The following SATB1 variants were observed in gnomAD, a reference collection of about 807,000 sequenced individuals.
SATB1 encodes the protein SATB homeobox 1, also known as DNA-binding protein SATB1.
Under a neutral mutation model 86.9 loss-of-function variants are expected in SATB1, and 11 were observed. That is an observed-to-expected ratio of 0.13 (90% CI 0.08 to 0.21). The LOEUF (loss-of-function observed/expected upper bound fraction) is 0.21, where lower values mean the gene tolerates loss of function less well. Ranked by LOEUF, SATB1 falls within the 10% of genes least tolerant of loss-of-function variation. SATB1 has a pLI of 1.00. For missense variants in SATB1, 551 were observed against 937.6 expected (o/e 0.59, Z 5.39); for synonymous variants, 357 against 357.2 (o/e 1.00, Z 0.01).
chr3:18,425,734 AG>A (rs1483531115), upstream of SATB1, among the ~76,000 whole-genome samples: 3 of 147,926 alleles, frequency 2.0e-5, no homozygotes, highest in East Asian at 6.1e-4. Flanking sequence ...GGAGGAGGAG[AG>A]GGGGCTTCCC....
intron 1 of SATB1, among the ~76,000 whole-genome samples, chr3:18,422,484 G>A (rs896723919): frequency 1.3e-4 from 20 of 152,108 alleles, no homozygotes; most frequent in African/African-American, 4.3e-4. Flanking sequence ...AGAACTAAAG[G>A]TTTACCGTTG....
At chr3:18,402,972 C>A (rs576621558) in intron 5 of SATB1, among the ~76,000 whole-genome samples, 2 of 152,098 alleles carry the variant, frequency 1.3e-5, no homozygotes, top group African/African-American at 2.4e-5. Flanking sequence ...TTTCTGTAAA[C>A]ACCCAAGATG....
chr3:18,392,564 T>TAC (rs1211820624), intron 7 of SATB1, among the ~76,000 whole-genome samples: 206 of 112,454 alleles, frequency 1.8e-3, no homozygotes, highest in African/African-American at 5.1e-3. Context: ...TACATATATA[T>TAC]ACACACACAT....
At chr3:18,391,494 C>A (rs1237445084) in intron 7 of SATB1, among the ~76,000 whole-genome samples, 1 of 150,648 alleles carries the variant, frequency 6.6e-6, no homozygotes, top group African/African-American at 2.4e-5. Context: ...CGTCATCTAG[C>A]ATTAGGTATA....
intron 8 of SATB1, among the ~76,000 whole-genome samples, chr3:18,384,619 G>A (rs1003313291): frequency 6.6e-6 from 1 of 152,112 alleles, no homozygotes; most frequent in Non-Finnish European, 1.5e-5. Flanking sequence ...ATAAAAGTGT[G>A]TGTATTAACA....
At position 18,346,091 on chromosome 3, in the gene SATB1, T is replaced by A. The variant is rs1441018018; in HGVS notation, c.*3079A>T. ...TTTTATACATAATATGTACAGACTT[T>A]GTTACCAAGCGCCACACAACTAGGA... On this transcript the variant is annotated 3_prime_UTR_variant, in exon 11 of 11. Transcript: ENST00000338745. 1 of 152,156 alleles carries A rather than the reference T, an allele frequency of 6.6e-6. No homozygotes were observed. Among genetic ancestry groups the A allele is most frequent in the Admixed American group, 6.5e-5 (1 of 15,270 alleles). The allele number at this position is 152,156 out of a possible 1,614,324, so 9.4% of individuals were successfully genotyped here.
intron 4 of SATB1, among the ~76,000 whole-genome samples, chr3:18,415,547 T>G (rs1237949140): frequency 6.6e-6 from 1 of 151,232 alleles, no homozygotes; most frequent in Admixed American, 6.6e-5. Flanking sequence ...CTTTAATGTA[T>G]TAACCGATTT....
At chr3:18,409,775 T>G (rs1177814658) in intron 5 of SATB1, 1 of 152,006 alleles carries the variant, frequency 6.6e-6, no homozygotes, top group African/African-American at 2.4e-5. Context: ...TAAGATAATT[T>G]TATACTGGGA....
intron 5 of SATB1, among the ~76,000 whole-genome samples, chr3:18,401,783 A>G (rs983109267): frequency 7.2e-5 from 11 of 152,112 alleles, no homozygotes; most frequent in African/African-American, 2.7e-4. Flanking sequence ...AAGCTTTTCT[A>G]AGATCCATAA....
At chr3:18,382,795 A>G (rs1255299587) in intron 8 of SATB1, among the ~76,000 whole-genome samples, 1 of 152,216 alleles carries the variant, frequency 6.6e-6, no homozygotes, top group African/African-American at 2.4e-5. Context: ...CCCATCCTCT[A>G]TGACAAACAA....
In SATB1 at chr3:18,347,485, A is replaced by G. The variant is rs1305992136; in HGVS notation, c.*1685T>C. ...CAGTTATTAACTTATTCCACTTATA[A>G]CTTGTGAAAAAAAAAAGCTAAGGGG... On this transcript the variant is annotated 3_prime_UTR_variant, in exon 11 of 11. Coordinates refer to ENST00000338745, the MANE Select transcript of SATB1 (RefSeq NM_002971.6). The G allele has an allele frequency of 6.7e-6, 1 of 150,358 alleles. No homozygotes were observed. Among genetic ancestry groups the G allele is most frequent in the Non-Finnish European group, 1.5e-5 (1 of 67,900 alleles). 9.3% of individuals were successfully genotyped at this position (150,358 alleles called of 1,614,324 possible). A position where few individuals can be genotyped will look rare whatever the true frequency, so the allele number is the denominator to read the frequency against.
intron 9 of SATB1, chr3:18,353,085 C>T (rs1391620418): frequency 6.6e-6 from 1 of 152,250 alleles, no homozygotes; most frequent in East Asian, 1.9e-4. Flanking sequence ...TCCAGACCCC[C>T]ACCAGCCAAG....
rs765527387 is a variant in SATB1, at chr3:18,349,208, C to T, written c.2254G>A (p.Glu752Lys). The T allele has an allele frequency of 6.2e-7, 1 of 1,614,086 alleles. No individual in the cohort carries two copies. The highest frequency in any genetic ancestry group is 1.1e-5 in the South Asian group (1 of 91,080). ...TCAGTATTAATGTCTGTGTTTCCTT[C>T]CACTGACAGCTCTTCTTCTAGTTTC... ...SVKLEEELSV[E>K]GNTDINTDLK... is the part of the protein sequence containing the mutation. The change falls in exon 11 of 11, where the codon GAA (glutamate) becomes AAA (lysine). Residue 752 changes from glutamate (E) to lysine (K), a missense_variant. By Grantham distance (56) the Glu-to-Lys change is moderately conservative (BLOSUM62 1). Around this residue, in one of 8 missense-constraint regions of SATB1, gnomAD observed 41 missense variants for 38.9 expected, o/e 1.06. Coordinates refer to ENST00000338745, the MANE Select transcript of SATB1 (RefSeq NM_002971.6). This position sits in a 1 kb window ranked among gnomAD's most constrained non-coding sequence, Gnocchi z 5.5.
intron 9 of SATB1, among the ~76,000 whole-genome samples, chr3:18,375,182 G>A (rs1442273057): frequency 1.3e-5 from 2 of 152,126 alleles, no homozygotes; most frequent in African/African-American, 4.8e-5. Flanking sequence ...TCAGATCAGG[G>A]TAGTACTTCA....
intron 2 of SATB1, among the ~76,000 whole-genome samples, chr3:18,431,391 A>G (rs1306972257): frequency 6.6e-6 from 1 of 152,106 alleles, no homozygotes; most frequent in East Asian, 1.9e-4. Flanking sequence ...ATCTATCTAT[A>G]TGTCTGCCTC....
chr3:18,351,555 C>T, intron 10 of SATB1: 1 of 625,224 alleles, frequency 1.6e-6, no homozygotes, highest in African/African-American at 1.8e-5. Context: ...TCTTTCTGGA[C>T]AGAATCCAAT....
Position 18,352,241 on chromosome 3 carries a change from G to T in SATB1, c.1576-46C>A. On this transcript the variant is annotated intron_variant, in intron 9 of 10. Coordinates refer to ENST00000338745, the MANE Select transcript of SATB1 (RefSeq NM_002971.6). The surrounding 1 kb of genome is among the most constrained non-coding windows in gnomAD (Gnocchi z 4.1). Reference sequence around the variant, plus strand: ...AGGTCAGTTTGTGCCTATGAGAGGGGCTGGCATTTTCCATTAGGAGCTAAA... The same window carrying T: ...AGGTCAGTTTGTGCCTATGAGAGGGTCTGGCATTTTCCATTAGGAGCTAAA... 6.4e-7 allele frequency: 1 copy of T among 1,564,312 alleles called. No homozygotes were observed. The highest frequency in any genetic ancestry group is 1.1e-5 in the South Asian group (1 of 89,620).
At position 18,394,501 on chromosome 3, in the gene SATB1, G is replaced by C. The variant is rs1696854582; in HGVS notation, c.1167C>G (p.Ser389=). Residue 389 remains serine (S), a synonymous_variant, in exon 7 of 11, where the codon TCC becomes TCG. Coordinates refer to ENST00000338745, the MANE Select transcript of SATB1 (RefSeq NM_002971.6). This position sits in a 1 kb window ranked among gnomAD's most constrained non-coding sequence, Gnocchi z 5.9. ...VRDELKRAGI[S]QAVFARVAFN... Reference sequence around the variant, plus strand: ...AAGCCACACGTGCAAATACCGCCTGGGAGATTCCTGCTCGTTTCAGTTCAT... The same window carrying C: ...AAGCCACACGTGCAAATACCGCCTGCGAGATTCCTGCTCGTTTCAGTTCAT... 1 of 1,614,050 alleles carries C rather than the reference G, an allele frequency of 6.2e-7. No homozygotes were observed. Among genetic ancestry groups the C allele is most frequent in the Non-Finnish European group, 8.5e-7 (1 of 1,180,040 alleles).
intron 9 of SATB1, among the ~76,000 whole-genome samples, chr3:18,356,326 T>C (rs751108587): frequency 3.3e-5 from 5 of 149,442 alleles, no homozygotes; most frequent in Non-Finnish European, 4.5e-5. Context: ...AGCAAGAAAA[T>C]GGTGCAAAAG....
Sources: gnomAD v4.1 joint callset for allele counts (sites outside exome capture counted in the v4.1 genomes callset) on GRCh38, gnomAD v4.1.1 for gene constraint, gnomAD v4.1.1 regional missense constraint, Gnocchi (gnomAD v3.1) non-coding constraint, MANE v1.5 for transcripts, NCBI Gene and HGNC (gene_info 2026-07-23, HGNC 2026-07-21) for gene names.